The following MGRN1 variants were observed in gnomAD, a reference collection of about 807,000 sequenced individuals.
The protein encoded by MGRN1 is E3 ubiquitin-protein ligase MGRN1.
A neutral mutation model predicts 69.2 loss-of-function variants in MGRN1; 29 were observed. The ratio of observed to expected loss-of-function variants is 0.42; its 90% CI spans 0.31 to 0.57. The LOEUF is 0.57. Ranked by LOEUF, MGRN1 falls within the 20% of genes least tolerant of loss-of-function variation. The probability of loss-of-function intolerance (pLI) is 0.15; values close to 1 mark genes in which losing one functional copy is unlikely to be tolerated. For missense variants in MGRN1, 998 were observed against 796.2 expected (o/e 1.25, Z -3.05); for synonymous variants, 470 against 344.2 (o/e 1.37, Z -4.04).
intron 11 of MGRN1, among the ~76,000 whole-genome samples, chr16:4,678,386 GAC>G (rs1406208053): frequency 6.6e-6 from 1 of 152,242 alleles, no homozygotes; most frequent in Non-Finnish European, 1.5e-5. Flanking sequence ...GAGGTGGAGA[GAC>G]ACAGGGAGAG....
At chr16:4,688,112 T>C (rs1006198383) in intron 16 of MGRN1, 2 of 985,222 alleles carry the variant, frequency 2.0e-6, no homozygotes, top group African/African-American at 1.7e-5. Flanking sequence ...CACCGGAGAG[T>C]GGGGCCTGGG....
intron 1 of MGRN1, among the ~76,000 whole-genome samples, chr16:4,636,683 T>A (rs1596260858): frequency 6.6e-6 from 1 of 152,158 alleles, no homozygotes; most frequent in African/African-American, 2.4e-5. Flanking sequence ...TGTGCTATTT[T>A]TAATTTTTTT....
intron 6 of MGRN1, 36 bp downstream of exon 6, chr16:4,664,811 G>C: frequency 6.2e-7 from 1 of 1,610,266 alleles, no homozygotes; most frequent in Non-Finnish European, 8.5e-7. Context: ...TGGGCGTGCA[G>C]GCCGTGCAGG....
intron 1 of MGRN1, 56 bp downstream of exon 1, chr16:4,625,104 G>A (rs534104525): frequency 1.4e-6 from 2 of 1,434,510 alleles, no homozygotes; most frequent in East Asian, 3.1e-5. Flanking sequence ...CGCGGACCCG[G>A]CGGGCGCGGG....
intron 1 of MGRN1, among the ~76,000 whole-genome samples, chr16:4,625,836 C>A (rs1897651539): frequency 6.6e-6 from 1 of 152,174 alleles, no homozygotes; most frequent in Admixed American, 6.5e-5. Flanking sequence ...TCGTGGGGTT[C>A]TTTGTGGTGG....
intron 1 of MGRN1, among the ~76,000 whole-genome samples, chr16:4,642,407 C>T (rs1195886071): frequency 6.6e-6 from 1 of 152,066 alleles, no homozygotes; most frequent in African/African-American, 2.4e-5. Flanking sequence ...AAGCGATTCT[C>T]CTGCCTCAGC....
Position 4,657,279 on chromosome 16 carries a change from G to C in MGRN1, c.477G>C (p.Glu159Asp), listed in dbSNP as rs761551036. The part of the protein sequence containing the change: ...YSPKSPSLQS[E>D]TVHYKRGVSQ... ...CCAAGAGCCCCTCGCTACAGTCCGA[G>C]ACCGTCCACTACAAGAGAGGGGTGA... Residue 159 changes from glutamate to aspartate, a missense_variant, in exon 5 of 17, where the codon GAG (glutamate) becomes GAC (aspartate). Transcript: ENST00000262370. 6.2e-7 allele frequency: 1 copy of C among 1,614,152 alleles called. No homozygotes were observed. Among genetic ancestry groups the C allele is most frequent in the Non-Finnish European group, 8.5e-7 (1 of 1,179,982 alleles).
At chr16:4,652,652 G>T in intron 3 of MGRN1, 26 bp from the exon 4 acceptor site, 1 of 1,593,518 alleles carries the variant, frequency 6.3e-7, no homozygotes, top group Admixed American at 1.7e-5. Flanking sequence ...CTGACCCGCT[G>T]CCTTTCTCTC....
chr16:4,680,099 T>G lies in MGRN1; in HGVS notation c.1131+2T>G. On this transcript the variant is annotated splice_donor_variant, in intron 12 of 16. Coordinates refer to ENST00000262370, the MANE Select transcript of MGRN1 (RefSeq NM_015246.4). LOFTEE classifies it high-confidence loss of function. ...AGCAAGAAACCTAAAAGGGAAACAG[T>G]AAGTGTCTGGTCCTCCGGCTACGTT... The G allele has an allele frequency of 6.2e-7, 1 of 1,613,798 alleles. No individual in the cohort carries two copies. The highest frequency in any genetic ancestry group is 1.7e-5 in the Admixed American group (1 of 59,998).
Position 4,689,803 on chromosome 16 carries a change from C to G in MGRN1, c.*895C>G, listed in dbSNP as rs1238690734. Reference sequence around the variant, plus strand: ...TTTTTGAGATGGAGTTTCACTCTTGCTGCCCAGGCTGGAGTGCAGTGGCTC... The same window carrying G: ...TTTTTGAGATGGAGTTTCACTCTTGGTGCCCAGGCTGGAGTGCAGTGGCTC... On this transcript the variant is annotated 3_prime_UTR_variant, in exon 17 of 17. Coordinates refer to ENST00000262370, the MANE Select transcript of MGRN1 (RefSeq NM_015246.4). 4 of 148,806 alleles carry G rather than the reference C, an allele frequency of 2.7e-5. No individual in the cohort carries two copies. The highest frequency in any genetic ancestry group is 5.9e-5 in the Non-Finnish European group (4 of 67,622). 9.2% of individuals were successfully genotyped at this position (148,806 alleles called of 1,614,324 possible).
rs149991275 is a variant in MGRN1, at chr16:4,664,153, G to C, written c.562-556G>C. On this transcript the variant is annotated intron_variant, in intron 5 of 16. Transcript: ENST00000262370. ...CGGTGTCCGTCGCAAAGGAACGCGTGCACAGCGTGTGGATATCCACACAGT... is the reference window on the plus strand; with the variant it reads ...CGGTGTCCGTCGCAAAGGAACGCGTCCACAGCGTGTGGATATCCACACAGT... The C allele has an allele frequency of 1.1e-3, 184 of 160,798 alleles. 2 individuals carry two copies. The highest frequency in any genetic ancestry group is 4.0e-3 in the African/African-American group (167 of 41,726). 10.0% of individuals were successfully genotyped at this position (160,798 alleles called of 1,614,324 possible). A position where few individuals can be genotyped will look rare whatever the true frequency, so the allele number is the denominator to read the frequency against.
chr16:4,658,214 T>G (rs1354920567), intron 5 of MGRN1, among the ~76,000 whole-genome samples: 1 of 151,926 alleles, frequency 6.6e-6, no homozygotes, highest in Non-Finnish European at 1.5e-5. Context: ...GCAAAGACCC[T>G]GGTCCAGGGG....
intron 1 of MGRN1, 53 bp downstream of exon 1, chr16:4,625,101 C>A: frequency 6.8e-7 from 1 of 1,464,086 alleles, no homozygotes; most frequent in South Asian, 1.3e-5. Context: ...GAACGCGGAC[C>A]CGGCGGGCGC....
At chr16:4,680,311 C>G (rs1040534453) in intron 12 of MGRN1, 1 of 545,198 alleles carries the variant, frequency 1.8e-6, no homozygotes. Flanking sequence ...CTGGCCCCGC[C>G]GCCCTCCCCT....
At position 4,677,567 on chromosome 16, in the gene MGRN1, C is replaced by A. The variant is rs1484956270; in HGVS notation, c.1060C>A (p.His354Asn). The change falls in exon 11 of 17, where the codon CAC becomes AAC. Residue 354 changes from histidine to asparagine, a missense_variant. Transcript: ENST00000262370. ...GGCCCAGAGCCTGGAGCATGATGAG[C>A]ACTCTGTAAGTGCCGCCTCCTGCCT... ...VLAQSLEHDE[H>N]SCPFKKSKPH... The A allele has an allele frequency of 6.3e-7, 1 of 1,599,702 alleles. No homozygotes were observed. The highest frequency in any genetic ancestry group is 2.2e-5 in the East Asian group (1 of 44,806).
At chr16:4,632,568 G>A (rs1168364811) in intron 1 of MGRN1, among the ~76,000 whole-genome samples, 1 of 152,052 alleles carries the variant, frequency 6.6e-6, no homozygotes, top group Non-Finnish European at 1.5e-5. Flanking sequence ...TAATTTTTTT[G>A]TATTTTTAGT....
chr16:4,679,637 G>A (rs1361656217), intron 11 of MGRN1, among the ~76,000 whole-genome samples: 22 of 152,198 alleles, frequency 1.4e-4, no homozygotes, highest in Admixed American at 6.5e-5. Context: ...CCTGGGCACC[G>A]GCTGGCTGGG....
chr16:4,631,182 G>A (rs1334204830), intron 1 of MGRN1, among the ~76,000 whole-genome samples: 1 of 151,866 alleles, frequency 6.6e-6, no homozygotes, highest in Non-Finnish European at 1.5e-5. Context: ...TTTTGTGGAT[G>A]GAATTCAATT....
intron 15 of MGRN1, 62 bp from the exon 16 acceptor site, chr16:4,683,781 A>C (rs930290635): frequency 7.6e-5 from 113 of 1,479,382 alleles, no homozygotes; most frequent in Non-Finnish European, 9.8e-5. Context: ...CCTCCTGCCC[A>C]GAGGGACCTG....
Sources: gnomAD v4.1 joint callset for allele counts (sites outside exome capture counted in the v4.1 genomes callset) on GRCh38, gnomAD v4.1.1 for gene constraint, MANE v1.5 for transcripts, NCBI Gene and HGNC (gene_info 2026-07-23, HGNC 2026-07-21) for gene names.